Variants in PKHD1L1 observed in about 807,000 individuals in gnomAD.
The protein encoded by PKHD1L1 is PKHD1 like 1, also known as fibrocystin-L.
In PKHD1L1, 434 loss-of-function variants were observed where a neutral mutation model predicts 462.9. The ratio of observed to expected loss-of-function variants is 0.94; its 90% CI spans 0.87 to 1.02. The LOEUF (loss-of-function observed/expected upper bound fraction) is 1.02. Ranked by LOEUF, PKHD1L1 falls within the 50% of genes least tolerant of loss-of-function variation. The probability of loss-of-function intolerance (pLI) is 0.00; values close to 1 mark genes in which losing one functional copy is unlikely to be tolerated. For synonymous variants in PKHD1L1, 1,781 were observed against 1,750.0 expected (o/e 1.02, Z -0.44); for missense variants, 5,202 against 5,096.1 (o/e 1.02, Z -0.63).
chr8:109,415,903 GTGTA>G (rs201923110), intron 21 of PKHD1L1, among the ~76,000 whole-genome samples: 2 of 147,922 alleles, frequency 1.4e-5, no homozygotes, highest in Admixed American at 6.8e-5. Flanking sequence ...GTGTGTGTGT[GTGTA>G]GGAAATCATA....
chr8:109,466,467 G>A, intron 49 of PKHD1L1, 111 bp from the exon 50 acceptor site: 1 of 1,106,320 alleles, frequency 9.0e-7, no homozygotes, highest in South Asian at 2.1e-5. Context: ...AAACTACCCA[G>A]ACTTTTAGAC....
intron 2 of PKHD1L1, among the ~76,000 whole-genome samples, chr8:109,372,717 G>A (rs1357191742): frequency 6.6e-6 from 1 of 152,138 alleles, no homozygotes; most frequent in Non-Finnish European, 1.5e-5. Context: ...AACATGAAGG[G>A]TTGTTGAATT....
At chr8:109,486,894 A>C in intron 59 of PKHD1L1, 73 bp downstream of exon 59, 1 of 1,362,464 alleles carries the variant, frequency 7.3e-7, no homozygotes, top group Non-Finnish European at 9.9e-7. Flanking sequence ...CAGCTCTTAC[A>C]TAATTCTCAC....
At position 109,406,383 on chromosome 8, in the gene PKHD1L1, A is replaced by C. The variant is rs1197100795; in HGVS notation, c.1718A>C (p.Asn573Thr). The change falls in exon 17 of 78, where the codon AAT becomes ACT. Residue 573 changes from asparagine (N) to threonine (T), a missense_variant. Physicochemically the swap from Asn to Thr is moderately conservative, Grantham distance 65. This residue lies in a region of PKHD1L1 where 4,497 missense variants were observed against 4,336.8 expected (regional missense o/e 1.04). Coordinates refer to ENST00000378402, the MANE Select transcript of PKHD1L1 (RefSeq NM_177531.6). ...GAATTCATACTGCAATCAGCCTTGAATGACCTCTGGTCTATAAAACCGGAC... is the reference window on the plus strand; with the variant it reads ...GAATTCATACTGCAATCAGCCTTGACTGACCTCTGGTCTATAAAACCGGAC... Reference protein sequence around the residue: ...ASEFILQSALNDLWSIKPDTV... With the variant: ...ASEFILQSALTDLWSIKPDTV... The C allele has an allele frequency of 1.9e-6, 3 of 1,566,212 alleles. No homozygotes were observed. The highest frequency in any genetic ancestry group is 2.6e-6 in the Non-Finnish European group (3 of 1,154,294).
intron 21 of PKHD1L1, among the ~76,000 whole-genome samples, chr8:109,418,293 A>G (rs1814288466): frequency 6.6e-6 from 1 of 152,132 alleles, no homozygotes; most frequent in African/African-American, 2.4e-5. Flanking sequence ...CAATTTGCTA[A>G]AACTGATATG....
chr8:109,524,267 C>A (rs1820707404), intron 76 of PKHD1L1, among the ~76,000 whole-genome samples: 1 of 152,082 alleles, frequency 6.6e-6, no homozygotes, highest in African/African-American at 2.4e-5. Flanking sequence ...CCAGTTTTTT[C>A]CCTGAATTTT....
In PKHD1L1 at chr8:109,464,743, T is replaced by C. The variant is rs775476435; in HGVS notation, c.7911T>C (p.Ser2637=). The change falls in exon 49 of 78, where the codon TCT becomes TCC. Residue 2637 remains serine (S), a synonymous_variant. Transcript: ENST00000378402. ...AATATTTCCCCATGCAAACGGGATCTTGTACATCTACAGTGCCTGCACCTG... is the reference window on the plus strand; with the variant it reads ...AATATTTCCCCATGCAAACGGGATCCTGTACATCTACAGTGCCTGCACCTG... ...FEEYFPMQTG[S]CTSTVPAPAI... is the part of the protein sequence containing the mutation. 2.3e-5 allele frequency: 37 copies of C among 1,613,772 alleles called. No individual in the cohort carries two copies. In the Admixed American group the frequency reaches 2.7e-4, roughly 12 times the overall value.
intron 14 of PKHD1L1, among the ~76,000 whole-genome samples, chr8:109,403,379 A>G (rs1187557015): frequency 6.6e-6 from 1 of 152,178 alleles, no homozygotes; most frequent in African/African-American, 2.4e-5. Context: ...ACTAGTTTAA[A>G]AAATTTTGAA....
intron 2 of PKHD1L1, among the ~76,000 whole-genome samples, chr8:109,372,407 G>A (rs1366707502): frequency 1.3e-5 from 2 of 152,204 alleles, no homozygotes; most frequent in African/African-American, 4.8e-5. Flanking sequence ...ATTTTGGGCT[G>A]AGACGACTGG....
intron 24 of PKHD1L1, among the ~76,000 whole-genome samples, 159 bp from the exon 25 acceptor site, chr8:109,426,843 G>C (rs987696350): frequency 6.6e-6 from 1 of 152,136 alleles, no homozygotes; most frequent in Non-Finnish European, 1.5e-5. Context: ...AGTAGAGACG[G>C]GGTTTTACCA....
intron 71 of PKHD1L1, among the ~76,000 whole-genome samples, chr8:109,512,489 A>G (rs938331231): frequency 6.6e-6 from 1 of 152,196 alleles, no homozygotes; most frequent in Non-Finnish European, 1.5e-5. Context: ...CGGGTTTGCC[A>G]AAGATCAGAT....
Position 109,452,266 on chromosome 8 carries a change from G to C in PKHD1L1, c.6493G>C (p.Gly2165Arg). 1 of 1,602,224 alleles carries C rather than the reference G, an allele frequency of 6.2e-7. No homozygotes were observed. Among genetic ancestry groups the C allele is most frequent in the Non-Finnish European group, 8.5e-7 (1 of 1,173,046 alleles). The stretch of plus-strand genomic sequence containing the variant: ...AGTTTGTGTCCACATCAGAGGTGTC[G>C]GCATGGCCAAACTGGTAATAGTGCT... ...APVCVHIRGV[G>R]MAKLDNADFL... Residue 2165 changes from glycine to arginine, a missense_variant, in exon 42 of 78, where the codon GGC becomes CGC. By Grantham distance (125) the Gly-to-Arg change is moderately radical. Around this residue, in one of 3 missense-constraint regions of PKHD1L1, gnomAD observed 4,497 missense variants for 4,336.8 expected, o/e 1.04. Transcript: ENST00000378402.
chr8:109,431,120 A>G lies in PKHD1L1; in HGVS notation c.3229+1083A>G, dbSNP rs186872449. 4.2e-3 allele frequency among the ~76,000 whole-genome samples: 637 copies of G among 152,138 alleles called. 6 individuals are homozygous for G. The highest frequency in any genetic ancestry group is 6.6e-3 in the Non-Finnish European group (452 of 67,994). On this transcript the variant is annotated intron_variant, in intron 27 of 77. Transcript: ENST00000378402. The stretch of plus-strand genomic sequence containing the variant: ...GTAGCTGAGACTACAGGTGCATACC[A>G]CCACACTCAGATAATTTTTGTATTT...
intron 45 of PKHD1L1, among the ~76,000 whole-genome samples, chr8:109,456,050 T>G (rs1816805507): frequency 6.6e-6 from 1 of 152,180 alleles, no homozygotes; most frequent in South Asian, 2.1e-4. Context: ...TTTGAAAAGT[T>G]TTATAGTCAT....
At chr8:109,469,614 T>C (rs528518279) in intron 50 of PKHD1L1, among the ~76,000 whole-genome samples, 2 of 152,286 alleles carry the variant, frequency 1.3e-5, no homozygotes, top group South Asian at 2.1e-4. Context: ...CTTATGATGA[T>C]ATAAGTTATT....
chr8:109,528,949 T>G (rs1362436706), intron 77 of PKHD1L1, among the ~76,000 whole-genome samples: 1 of 152,074 alleles, frequency 6.6e-6, no homozygotes, highest in African/African-American at 2.4e-5. Context: ...TGCAATTCAT[T>G]TGATGGGGGA....
intron 48 of PKHD1L1, among the ~76,000 whole-genome samples, chr8:109,462,525 A>G (rs1176498509): frequency 6.6e-6 from 1 of 151,898 alleles, no homozygotes; most frequent in Non-Finnish European, 1.5e-5. Context: ...GGTCCTTTGT[A>G]CTTGCTTTTC....
chr8:109,532,003 A>G lies in PKHD1L1; in HGVS notation c.*1913A>G, dbSNP rs2131064887. On this transcript the variant is annotated 3_prime_UTR_variant, in exon 78 of 78. Transcript: ENST00000378402. ...AAATTCCAAAAACTGCAATTCCAGCATCTATGGAACAAATTCCTACATTTG... is the reference window on the plus strand; with the variant it reads ...AAATTCCAAAAACTGCAATTCCAGCGTCTATGGAACAAATTCCTACATTTG... 6.6e-6 allele frequency among the ~76,000 whole-genome samples: 1 copy of G among 152,366 alleles called. No individual in the cohort carries two copies.
At chr8:109,364,075 T>C (rs149350809) in intron 1 of PKHD1L1, among the ~76,000 whole-genome samples, 2,894 of 152,288 alleles carry the variant, frequency 0.019, 35 homozygotes, top group Non-Finnish European at 0.032. Flanking sequence ...TCACAGAAAA[T>C]AATTTCTTCT....
Sources: gnomAD v4.1 joint callset for allele counts (sites outside exome capture counted in the v4.1 genomes callset) on GRCh38, gnomAD v4.1.1 for gene constraint, gnomAD v4.1.1 regional missense constraint, MANE v1.5 for transcripts, NCBI Gene and HGNC (gene_info 2026-07-23, HGNC 2026-07-21) for gene names.